The following FARP1 variants were observed in gnomAD, a reference collection of about 807,000 sequenced individuals.
FARP1 encodes the protein FERM, ARHGEF and pleckstrin domain-containing protein 1.
FARP1 carries 52 observed loss-of-function variants against 128.8 expected under a neutral mutation model. The ratio of observed to expected loss-of-function variants is 0.40; its 90% CI spans 0.32 to 0.51. The LOEUF is 0.51. FARP1 is among the 20% of genes least tolerant of loss of function. The pLI is 0.45. For missense variants in FARP1, 1,333 were observed against 1,367.9 expected, an observed-to-expected ratio of 0.97 and a Z score of 0.40; for synonymous variants, 580 against 551.8, an observed-to-expected ratio of 1.05 and a Z score of -0.72.
chr13:98,308,885 C>G (rs1886312607), intron 2 of FARP1, among the ~76,000 whole-genome samples: 1 of 151,944 alleles, frequency 6.6e-6, no homozygotes, highest in African/African-American at 2.4e-5. Context: ...ACCACGTTGC[C>G]CAGGCTGGTC....
rs550174510 is a variant in FARP1 at position 98,204,941 on chromosome 13, C to G, written c.-23-8279C>G. On this transcript the variant is annotated intron_variant, in intron 1 of 26. Coordinates refer to ENST00000319562, the MANE Select transcript of FARP1 (RefSeq NM_005766.4). ...CTAGCCCAGGTGACAGAGTGAGACCCTATCTAAAAAAAAAATAGCAAAACA... is the reference window on the plus strand; with the variant it reads ...CTAGCCCAGGTGACAGAGTGAGACCGTATCTAAAAAAAAAATAGCAAAACA... Among the ~76,000 whole-genome samples the G allele has an allele frequency of 5.9e-5, 7 of 119,338 alleles. No individual in the cohort carries two copies. In the East Asian group the frequency reaches 1.5e-3, roughly 25 times the overall value. 78.3% of individuals were successfully genotyped at this position (119,338 alleles called of 152,430 possible). A position where few individuals can be genotyped will look rare whatever the true frequency, so the allele number is the denominator to read the frequency against.
chr13:98,365,333 C>T, intron 3 of FARP1, 62 bp from the exon 4 acceptor site: 1 of 1,303,034 alleles, frequency 7.7e-7, no homozygotes, highest in Non-Finnish European at 1.1e-6. Context: ...AACAAAATCT[C>T]AAAATACTTG....
chr13:98,275,655 G>GA (rs1449347306), intron 2 of FARP1, among the ~76,000 whole-genome samples: 13 of 127,558 alleles, frequency 1.0e-4, no homozygotes, highest in Non-Finnish European at 1.4e-4. Flanking sequence ...TTGCATCTCT[G>GA]AAAGACTGAG....
At chr13:98,446,261 G>A (rs1161512800) in intron 25 of FARP1, 56 bp downstream of exon 25, 55 of 1,145,264 alleles carry the variant, frequency 4.8e-5, no homozygotes, top group Non-Finnish European at 7.0e-5. Context: ...GCAGCATGAG[G>A]TGAGGGGGCC....
At chr13:98,422,072 T>C (rs1891614318) in intron 16 of FARP1, among the ~76,000 whole-genome samples, 1 of 151,662 alleles carries the variant, frequency 6.6e-6, no homozygotes, top group Admixed American at 6.6e-5. Flanking sequence ...TAGGAAGAAG[T>C]AGAGGGTGAA....
At chr13:98,390,905 C>G in intron 11 of FARP1, 25 bp downstream of exon 11, 1 of 1,540,506 alleles carries the variant, frequency 6.5e-7, no homozygotes, top group Non-Finnish European at 9.0e-7. Flanking sequence ...AATGCTACTT[C>G]CAGTCTGAGA....
At chr13:98,221,311 CA>C (rs1400979083) in intron 2 of FARP1, among the ~76,000 whole-genome samples, 1 of 152,104 alleles carries the variant, frequency 6.6e-6, no homozygotes, top group Non-Finnish European at 1.5e-5. Flanking sequence ...TTGGCTGGAT[CA>C]ATGGGAGAAA....
intron 5 of FARP1, among the ~76,000 whole-genome samples, chr13:98,369,955 G>T (rs937990460): frequency 1.6e-4 from 25 of 152,206 alleles, no homozygotes; most frequent in Non-Finnish European, 3.4e-4. Flanking sequence ...TTTATTAAGG[G>T]TTCCCTGTGT....
chr13:98,425,963 C>G (rs1349382120), intron 17 of FARP1, among the ~76,000 whole-genome samples: 1 of 152,140 alleles, frequency 6.6e-6, no homozygotes, highest in African/African-American at 2.4e-5. Context: ...CTGCCCAGAG[C>G]CTGTATGACA....
intron 3 of FARP1, among the ~76,000 whole-genome samples, chr13:98,351,618 A>AG (rs1179246650): frequency 6.6e-6 from 1 of 151,896 alleles, no homozygotes; most frequent in Non-Finnish European, 1.5e-5. Context: ...TCTAAAAAAA[A>AG]AAAAAAAAGA....
intron 13 of FARP1, chr13:98,398,384 C>G (rs1444428676): frequency 6.6e-6 from 1 of 152,138 alleles, no homozygotes; most frequent in Non-Finnish European, 1.5e-5. Context: ...AGAGGTTCTT[C>G]TGGGCAAACC....
intron 17 of FARP1, 111 bp downstream of exon 17, chr13:98,424,761 C>G: frequency 9.2e-6 from 7 of 757,206 alleles, no homozygotes; most frequent in Non-Finnish European, 1.4e-5. Context: ...CCTGATTTGA[C>G]TCTCTACACC....
chr13:98,438,761 T>G (rs775506595), intron 19 of FARP1, 43 bp from the exon 20 acceptor site: 4 of 1,554,442 alleles, frequency 2.6e-6, no homozygotes, highest in Non-Finnish European at 3.5e-6. Flanking sequence ...GCCCTTGGGG[T>G]CCGCACGCTC....
chr13:98,208,307 A>C (rs9556904), intron 1 of FARP1, among the ~76,000 whole-genome samples: 28,871 of 144,816 alleles, frequency 0.2, 4,031 homozygotes, highest in East Asian at 0.67. Context: ...CCCCATCTCT[A>C]CTGGGGAGAA....
rs1483703482 is a variant in FARP1, at chr13:98,454,868, GA to G, written c.*6552del. 3.9e-5 allele frequency: 6 copies of G among 152,268 alleles called. No homozygotes were observed. Among genetic ancestry groups the G allele is most frequent in the Non-Finnish European group, 8.8e-5 (6 of 68,084 alleles). The allele number at this position is 152,268 out of a possible 1,614,324, so 9.4% of individuals were successfully genotyped here. ...GCTCATCTGAGGACAGAGGAGGAAA[GA>G]GGGCACTCCTCATCACAGACAAAGG... On this transcript the variant is annotated 3_prime_UTR_variant, in exon 27 of 27. Transcript: ENST00000319562.
intron 3 of FARP1, among the ~76,000 whole-genome samples, chr13:98,354,487 G>T (rs1888562896): frequency 6.6e-6 from 1 of 152,128 alleles, no homozygotes; most frequent in Non-Finnish European, 1.5e-5. Context: ...TTAATTGGAG[G>T]AATTTGAATA....
intron 17 of FARP1, among the ~76,000 whole-genome samples, chr13:98,430,209 G>A (rs1289225811): frequency 8.5e-5 from 13 of 152,262 alleles, no homozygotes; most frequent in South Asian, 8.3e-4. Context: ...CTGAGATTGC[G>A]CCACTGCACT....
intron 18 of FARP1, 70 bp from the exon 19 acceptor site, chr13:98,435,506 C>T: frequency 1.3e-6 from 2 of 1,516,328 alleles, no homozygotes; most frequent in Admixed American, 1.9e-5. Context: ...CAGCGTTGAG[C>T]TGACAGCTGC....
intron 1 of FARP1, among the ~76,000 whole-genome samples, chr13:98,185,998 A>G (rs1878841563): frequency 6.6e-6 from 1 of 151,684 alleles, no homozygotes; most frequent in South Asian, 2.1e-4. Flanking sequence ...GCGTCCGGCC[A>G]CATTTACTGT....
Sources: gnomAD v4.1 joint callset for allele counts (sites outside exome capture counted in the v4.1 genomes callset) on GRCh38, gnomAD v4.1.1 for gene constraint, MANE v1.5 for transcripts, NCBI Gene and HGNC (gene_info 2026-07-23, HGNC 2026-07-21) for gene names.